FRMD4A: variants seen among roughly 807,000 people sequenced by gnomAD.
FRMD4A encodes the protein FERM domain-containing protein 4A.
FRMD4A carries 29 observed loss-of-function variants against 129.1 expected under a neutral mutation model. The observed-to-expected ratio is 0.22, with a 90% CI of 0.17 to 0.31. FRMD4A has a LOEUF of 0.31. Ranked by LOEUF, FRMD4A falls within the 10% of genes least tolerant of loss-of-function variation. FRMD4A has a pLI of 1.00. For synonymous variants in FRMD4A, 634 were observed against 571.6 expected (o/e 1.11, Z -1.56); for missense variants, 1,272 against 1,375.8 (o/e 0.92, Z 1.19).
At chr10:13,652,760 G>A (rs61833191) in intron 23 of FRMD4A, 43,555 of 152,172 alleles carry the variant, frequency 0.29, 8,178 homozygotes, top group East Asian at 0.73. Context: ...CAAAACTTGA[G>A]TGTGGGTCAG....
chr10:13,670,592 AACAC>A (rs947651637), intron 16 of FRMD4A, 64 bp from the exon 17 acceptor site: 3 of 1,563,328 alleles, frequency 1.9e-6, no homozygotes, highest in Admixed American at 1.7e-5. Context: ...TGCTTCCTAG[AACAC>A]ACACACACGC....
At chr10:14,266,798 T>C (rs1844996438) in intron 2 of FRMD4A, among the ~76,000 whole-genome samples, 1 of 152,236 alleles carries the variant, frequency 6.6e-6, no homozygotes, top group Admixed American at 6.5e-5. Context: ...TTATAAATTA[T>C]ATCCTTTTAC....
chr10:13,764,184 C>CAT (rs1554886236), intron 6 of FRMD4A, among the ~76,000 whole-genome samples: 3 of 141,696 alleles, frequency 2.1e-5, no homozygotes, highest in Non-Finnish European at 4.6e-5. Context: ...CAAAGATTTC[C>CAT]GTGTGTGTGT....
intron 2 of FRMD4A, among the ~76,000 whole-genome samples, chr10:14,011,748 C>A (rs2095683283): frequency 6.6e-6 from 1 of 152,122 alleles, no homozygotes; most frequent in South Asian, 2.1e-4. Flanking sequence ...GTGGCTCATG[C>A]CTGTAATCCC....
chr10:14,319,722 G>T (rs571783648), intron 2 of FRMD4A, among the ~76,000 whole-genome samples: 2 of 152,068 alleles, frequency 1.3e-5, no homozygotes, highest in Admixed American at 6.5e-5. Context: ...GGATTTCTGA[G>T]CTTCAGTGCC....
At chr10:13,752,033 A>G (rs2091651920) in intron 8 of FRMD4A, among the ~76,000 whole-genome samples, 1 of 152,188 alleles carries the variant, frequency 6.6e-6, no homozygotes, top group South Asian at 2.1e-4. Flanking sequence ...AAAAGAATAG[A>G]AAAGAAAAAG....
intron 2 of FRMD4A, among the ~76,000 whole-genome samples, chr10:13,902,456 G>GGAGAGAGAGAGAGA (rs140040052): frequency 0.027 from 3,400 of 127,622 alleles, 165 homozygotes; most frequent in African/African-American, 0.039. Flanking sequence ...GCAAAATACT[G>GGAGAGAGAGAGAGA]GAGAGAGAGA....
intron 2 of FRMD4A, among the ~76,000 whole-genome samples, chr10:14,138,031 C>A (rs1037952911): frequency 6.6e-6 from 1 of 152,194 alleles, no homozygotes; most frequent in Non-Finnish European, 1.5e-5. Context: ...GATACAAAGA[C>A]CACCTTGGCA....
At chr10:13,756,793 T>A (rs893357676) in intron 8 of FRMD4A, among the ~76,000 whole-genome samples, 1 of 152,192 alleles carries the variant, frequency 6.6e-6, no homozygotes, top group African/African-American at 2.4e-5. Context: ...AGGTCCCTTA[T>A]AGACAAAAAC....
chr10:14,080,831 G>T (rs1835887226), intron 2 of FRMD4A, among the ~76,000 whole-genome samples: 2 of 151,702 alleles, frequency 1.3e-5, no homozygotes, highest in Admixed American at 1.3e-4. Context: ...GGCTTGGATT[G>T]TCAAAATAAG....
chr10:14,313,835 C>A (rs1267969071), intron 2 of FRMD4A, among the ~76,000 whole-genome samples: 1 of 152,224 alleles, frequency 6.6e-6, no homozygotes, highest in East Asian at 1.9e-4. Flanking sequence ...CCACACTTAT[C>A]TAGAAGATTC....
At chr10:14,195,901 A>G (rs1327445069) in intron 2 of FRMD4A, among the ~76,000 whole-genome samples, 1 of 152,186 alleles carries the variant, frequency 6.6e-6, no homozygotes, top group East Asian at 1.9e-4. Flanking sequence ...TACGAATCTA[A>G]GCCTGGTAGT....
At position 13,860,948 on chromosome 10, in the gene FRMD4A, C is replaced by T. The variant is rs542221893; in HGVS notation, c.46-2036G>A. On this transcript the variant is annotated intron_variant, in intron 2 of 24. Transcript: ENST00000357447. Reference sequence around the variant, plus strand: ...GCAGTCTCGTTTCTCTCATGCGCCACGGGACGTACCAACTCTCCAGGCTAA... The same window carrying T: ...GCAGTCTCGTTTCTCTCATGCGCCATGGGACGTACCAACTCTCCAGGCTAA... Among the ~76,000 whole-genome samples the T allele has an allele frequency of 1.2e-4, 19 of 152,268 alleles. No homozygotes were observed. In the East Asian group the frequency reaches 2.3e-3, roughly 19 times the overall value.
At chr10:13,756,676 T>C (rs2091878117) in intron 8 of FRMD4A, among the ~76,000 whole-genome samples, 1 of 152,208 alleles carries the variant, frequency 6.6e-6, no homozygotes, top group African/African-American at 2.4e-5. Context: ...AAAGTTATTA[T>C]TTTAAGAAAA....
intron 2 of FRMD4A, among the ~76,000 whole-genome samples, chr10:14,010,332 A>T (rs1168978689): frequency 2.6e-5 from 4 of 152,246 alleles, no homozygotes; most frequent in African/African-American, 9.6e-5. Context: ...TGCAAATAAA[A>T]CAAAAACACA....
chr10:13,750,069 G>GAAGAAAGAAAGA (rs1185474605), intron 8 of FRMD4A, among the ~76,000 whole-genome samples: 4,505 of 55,450 alleles, frequency 0.081, 508 homozygotes, highest in East Asian at 0.15. Flanking sequence ...AGGAAGGAAG[G>GAAGAAAGAAAGA]AAGAAAGAAA....
chr10:14,239,423 C>T (rs905185066), intron 2 of FRMD4A, among the ~76,000 whole-genome samples: 2 of 152,082 alleles, frequency 1.3e-5, no homozygotes, highest in East Asian at 1.9e-4. Flanking sequence ...GTCAGGAGAT[C>T]AAGACCATCC....
chr10:13,655,399 A>G (rs1307679965), intron 22 of FRMD4A: 1 of 152,172 alleles, frequency 6.6e-6, no homozygotes, highest in Non-Finnish European at 1.5e-5. Flanking sequence ...GATCATACTC[A>G]AGATCTTCCT....
At chr10:14,125,992 T>C (rs944181581) in intron 2 of FRMD4A, among the ~76,000 whole-genome samples, 3 of 152,100 alleles carry the variant, frequency 2.0e-5, no homozygotes, top group Non-Finnish European at 4.4e-5. Flanking sequence ...GATAAAACAG[T>C]GTATGAAAGA....
Sources: allele counts gnomAD v4.1 joint callset (sites outside exome capture counted in the v4.1 genomes callset), GRCh38; gene constraint gnomAD v4.1.1; transcripts MANE v1.5; gene names NCBI Gene and HGNC (gene_info 2026-07-23, HGNC 2026-07-21).